The following TJP2 variants were observed in gnomAD, a reference collection of about 807,000 sequenced individuals.
The protein encoded by TJP2 is tight junction protein 2, also known as Friedreich ataxia region gene X104 (tight junction protein ZO-2).
A neutral mutation model predicts 133.1 loss-of-function variants in TJP2; 91 were observed. That is an observed-to-expected ratio of 0.68 (90% CI 0.58 to 0.81). TJP2 has a LOEUF of 0.81. Ranked by LOEUF, TJP2 falls within the 40% of genes least tolerant of loss-of-function variation. The pLI, the probability that TJP2 is intolerant of heterozygous loss-of-function variation, is 0.00. For synonymous variants in TJP2, 592 were observed against 583.4 expected, an observed-to-expected ratio of 1.01 and a Z score of -0.21; for missense variants, 1,541 against 1,565.6, an observed-to-expected ratio of 0.98 and a Z score of 0.26.
At chr9:69,196,933 G>A (rs879628925) in intron 1 of TJP2, among the ~76,000 whole-genome samples, 24,077 of 61,296 alleles carry the variant, frequency 0.39, 2,083 homozygotes, top group Middle Eastern at 0.47. Context: ...ATATATGTGT[G>A]TGTGTGTGTG....
chr9:69,233,394 C>G (rs550225426), intron 11 of TJP2, among the ~76,000 whole-genome samples: 2 of 152,310 alleles, frequency 1.3e-5, no homozygotes, highest in African/African-American at 4.8e-5. Flanking sequence ...TTTATTTCTA[C>G]AAAATATTAT....
Position 69,254,853 on chromosome 9 carries a change from A to G in TJP2, c.*479A>G. Reference sequence around the variant, plus strand: ...GTGCCTTGGATGAGAAGTGTCTTAAATTTTCTTCCTTTGAAGCTTTAGGCA... The same window carrying G: ...GTGCCTTGGATGAGAAGTGTCTTAAGTTTTCTTCCTTTGAAGCTTTAGGCA... On this transcript the variant is annotated 3_prime_UTR_variant, in exon 23 of 23. Transcript: ENST00000377245. 2.3e-6 allele frequency: 1 copy of G among 431,608 alleles called. No homozygotes were observed. The highest frequency in any genetic ancestry group is 4.1e-6 in the Non-Finnish European group (1 of 245,450). The allele number at this position is 431,608 out of a possible 1,614,324, so 26.7% of individuals were successfully genotyped here. A position where few individuals can be genotyped will look rare whatever the true frequency, so the allele number is the denominator to read the frequency against.
rs748802286 is a variant in TJP2 at position 69,234,481 on chromosome 9, G to A, written c.1714G>A (p.Val572Ile). Reference sequence around the variant, plus strand: ...CAGAGGATTAGTGCGGGAGGATGCCGTTCTCTACCTGTTAGAAATCCCTAA... The same window carrying A: ...CAGAGGATTAGTGCGGGAGGATGCCATTCTCTACCTGTTAGAAATCCCTAA... The part of the protein sequence containing the change: ...DFRGLVREDA[V>I]LYLLEIPKGE... The change falls in exon 12 of 23, where the codon GTT becomes ATT. Residue 572 changes from valine (V) to isoleucine (I), a missense_variant. Transcript: ENST00000377245. 7.8e-6 allele frequency: 12 copies of A among 1,544,934 alleles called. No homozygotes were observed. The highest frequency in any genetic ancestry group is 5.1e-5 in the East Asian group (2 of 39,282).
intron 1 of TJP2, among the ~76,000 whole-genome samples, chr9:69,211,883 G>T (rs1439843448): frequency 6.6e-6 from 1 of 152,060 alleles, no homozygotes; most frequent in Non-Finnish European, 1.5e-5. Context: ...TTATCTCTGT[G>T]GTTCTGAGTG....
At chr9:69,133,324 G>T (rs1272222655) in intron 1 of TJP2, among the ~76,000 whole-genome samples, 1 of 152,138 alleles carries the variant, frequency 6.6e-6, no homozygotes, top group Non-Finnish European at 1.5e-5. Context: ...TATTTCAGGG[G>T]CTGGCACAGT....
chr9:69,197,194 T>G (rs1286254115), intron 1 of TJP2, among the ~76,000 whole-genome samples: 1 of 152,152 alleles, frequency 6.6e-6, no homozygotes, highest in Non-Finnish European at 1.5e-5. Context: ...TGAACTCAAG[T>G]GATCCACCTG....
Position 69,228,083 on chromosome 9 carries a change from C to T in TJP2, c.1422C>T (p.Asn474=), listed in dbSNP as rs759690150. 1.7e-5 allele frequency: 27 copies of T among 1,612,902 alleles called. No individual in the cohort carries two copies. Among genetic ancestry groups the T allele is most frequent in the South Asian group, 7.7e-5 (7 of 90,814 alleles). ...DIAGTVVPET[N]KEPRYQEDPP... The stretch of plus-strand genomic sequence containing the variant: ...CAGGCACAGTTGTCCCAGAGACCAA[C>T]AAGGAACCCAGATACCAAGAGGACC... The change falls in exon 9 of 23, where the codon AAC becomes AAT. Residue 474 remains asparagine (N), a synonymous_variant. Coordinates refer to ENST00000377245, the MANE Select transcript of TJP2 (RefSeq NM_004817.4).
At chr9:69,229,636 A>T (rs1829621478) in intron 10 of TJP2, among the ~76,000 whole-genome samples, 1 of 152,068 alleles carries the variant, frequency 6.6e-6, no homozygotes, top group Non-Finnish European at 1.5e-5. Context: ...GGGAGGGAGG[A>T]GGAGTGCTGC....
upstream of TJP2, among the ~76,000 whole-genome samples, chr9:69,173,009 G>A (rs1038973587): frequency 1.3e-5 from 2 of 152,290 alleles, no homozygotes; most frequent in South Asian, 4.1e-4. Flanking sequence ...TTTATCCAGA[G>A]GCGTGGACTT....
chr9:69,122,518 G>A (rs1425995306), intron 1 of TJP2, among the ~76,000 whole-genome samples: 1 of 152,194 alleles, frequency 6.6e-6, no homozygotes, highest in Admixed American at 6.5e-5. Flanking sequence ...GTAAGGGAGG[G>A]GCCGAGCTTG....
intron 2 of TJP2, among the ~76,000 whole-genome samples, chr9:69,164,222 C>A (rs561224009): frequency 6.6e-6 from 1 of 152,084 alleles, no homozygotes; most frequent in African/African-American, 2.4e-5. Context: ...CTTTCAGATC[C>A]GAAAATTCTT....
chr9:69,195,799 C>T (rs1826519825), intron 1 of TJP2, among the ~76,000 whole-genome samples: 1 of 152,188 alleles, frequency 6.6e-6, no homozygotes, highest in Admixed American at 6.5e-5. Context: ...TTTCTGCACC[C>T]TCTTCTTACC....
chr9:69,180,630 C>A (rs1314437027), intron 1 of TJP2, among the ~76,000 whole-genome samples: 3 of 152,224 alleles, frequency 2.0e-5, no homozygotes, highest in African/African-American at 4.8e-5. Flanking sequence ...GAGAGACAAT[C>A]ATTCTGCTCT....
intron 5 of TJP2, among the ~76,000 whole-genome samples, chr9:69,223,296 GTT>G: frequency 6.6e-6 from 1 of 150,816 alleles, no homozygotes; most frequent in African/African-American, 2.4e-5. Flanking sequence ...TTTCTGTTTT[GTT>G]TTGTTTTGTT....
At chr9:69,179,662 G>T (rs4745671) in intron 1 of TJP2, among the ~76,000 whole-genome samples, 63,710 of 151,526 alleles carry the variant, frequency 0.42, 13,710 homozygotes, top group East Asian at 0.63. Context: ...ACCACGCCCG[G>T]CTAATTTTTT....
chr9:69,154,661 G>A (rs1046946562), intron 2 of TJP2, among the ~76,000 whole-genome samples: 1 of 150,538 alleles, frequency 6.6e-6, no homozygotes, highest in Non-Finnish European at 1.5e-5. Context: ...ATGGTGGTTC[G>A]CACCTATAAT....
chr9:69,245,780 A>T (rs1038663755), intron 17 of TJP2, among the ~76,000 whole-genome samples: 7 of 152,250 alleles, frequency 4.6e-5, no homozygotes, highest in African/African-American at 1.4e-4. Context: ...TTGGAAAGTA[A>T]CTGGTTGATG....
intron 1 of TJP2, among the ~76,000 whole-genome samples, chr9:69,132,083 T>A (rs1316581904): frequency 6.6e-6 from 1 of 152,252 alleles, no homozygotes; most frequent in Admixed American, 6.5e-5. Flanking sequence ...CCCTGGCAAC[T>A]AGTTGTGACC....
chr9:69,209,163 G>A (rs977717650), intron 1 of TJP2, among the ~76,000 whole-genome samples: 2 of 151,776 alleles, frequency 1.3e-5, no homozygotes, highest in African/African-American at 4.8e-5. Flanking sequence ...TATTTTTTTT[G>A]AGACAGAGTC....
Sources: allele counts gnomAD v4.1 joint callset (sites outside exome capture counted in the v4.1 genomes callset), GRCh38; gene constraint gnomAD v4.1.1; transcripts MANE v1.5; gene names NCBI Gene and HGNC (gene_info 2026-07-23, HGNC 2026-07-21).